NBEAL2: variants seen among roughly 807,000 people sequenced by gnomAD.
The protein encoded by NBEAL2 is neurobeachin like 2.
NBEAL2 carries 160 observed loss-of-function variants against 299.8 expected under a neutral mutation model. The ratio of observed to expected loss-of-function variants is 0.53; its 90% CI spans 0.47 to 0.61. The LOEUF is 0.61. Among genes scored for constraint, NBEAL2 ranks in the 20% least tolerant of loss-of-function variants. NBEAL2 has a pLI of 0.00. For synonymous variants in NBEAL2, 1,493 were observed against 1,542.3 expected (o/e 0.97, Z 0.75); for missense variants, 3,112 against 3,649.0 (o/e 0.85, Z 3.79).
chr3:46,993,539 C>T (rs973342474), intron 10 of NBEAL2, among the ~76,000 whole-genome samples: 1 of 152,074 alleles, frequency 6.6e-6, no homozygotes, highest in Non-Finnish European at 1.5e-5. Context: ...AATCTCTGAC[C>T]CCTGTCAATC....
chr3:46,981,662 C>T (rs577673229), intron 1 of NBEAL2, among the ~76,000 whole-genome samples: 5 of 152,292 alleles, frequency 3.3e-5, no homozygotes, highest in Admixed American at 1.3e-4. Flanking sequence ...CTTCCTCGGA[C>T]TGCCCCATAG....
chr3:46,998,368 C>T (rs1390592315), intron 21 of NBEAL2, 95 bp from the exon 22 acceptor site: 14 of 1,509,792 alleles, frequency 9.3e-6, no homozygotes, highest in Middle Eastern at 3.4e-4. Flanking sequence ...TATGACCCTG[C>T]CCTGGAAGTC....
rs1214620419 is a variant in NBEAL2 at position 47,008,379 on chromosome 3, G to A, written c.7816G>A (p.Ala2606Thr). The A allele has an allele frequency of 6.2e-7, 1 of 1,613,922 alleles. No homozygotes were observed. Among genetic ancestry groups the A allele is most frequent in the Non-Finnish European group, 8.5e-7 (1 of 1,179,840 alleles). ...ATFPGPIFHL[A>T]LGSEGQIVVQ... ...ATTCCCTGGACCTATTTTCCACCTG[G>A]CATTGGGGTCCGAAGGCCAGATTGT... Residue 2606 changes from alanine (A) to threonine (T), a missense_variant, in exon 51 of 54, where the codon GCA (alanine) becomes ACA (threonine). Around this residue, in one of 3 missense-constraint regions of NBEAL2, gnomAD observed 348 missense variants for 381.4 expected, o/e 0.91. Coordinates refer to ENST00000450053, the MANE Select transcript of NBEAL2 (RefSeq NM_015175.3).
At position 47,000,058 on chromosome 3, in the gene NBEAL2, C is replaced by A; in HGVS notation, c.3959C>A (p.Pro1320Gln). Reference protein sequence around the residue: ...PTSPKPAPPKPPTESPAEPSD... With the variant: ...PTSPKPAPPKQPTESPAEPSD... ...TCCCCCAAGCCAGCCCCACCCAAGCCACCCACTGAGTCACCTGCTGAGCCT... is the reference window on the plus strand; with the variant it reads ...TCCCCCAAGCCAGCCCCACCCAAGCAACCCACTGAGTCACCTGCTGAGCCT... Residue 1320 changes from proline to glutamine, a missense_variant, in exon 27 of 54, where the codon CCA becomes CAA. Coordinates refer to ENST00000450053, the MANE Select transcript of NBEAL2 (RefSeq NM_015175.3). This position sits in a 1 kb window ranked among gnomAD's most constrained non-coding sequence, Gnocchi z 4.5. 1 of 1,613,574 alleles carries A rather than the reference C, an allele frequency of 6.2e-7. No homozygotes were observed. The highest frequency in any genetic ancestry group is 8.5e-7 in the Non-Finnish European group (1 of 1,179,854).
intron 41 of NBEAL2, 46 bp from the exon 42 acceptor site, chr3:47,005,692 C>CT: frequency 6.6e-7 from 1 of 1,506,314 alleles, no homozygotes; most frequent in Non-Finnish European, 9.2e-7. Context: ...GGCCAGGGGG[C>CT]AGTCGGGATG....
intron 33 of NBEAL2, 77 bp from the exon 34 acceptor site, chr3:47,002,880 C>T (rs1433898722): frequency 6.3e-7 from 1 of 1,579,032 alleles, no homozygotes. Flanking sequence ...CCCCAGACTG[C>T]CTTTGGGGTG....
chr3:47,006,863 C>T lies in NBEAL2; in HGVS notation c.7135-203C>T, dbSNP rs568027920. Among the ~76,000 whole-genome samples the T allele has an allele frequency of 2.0e-5, 3 of 152,316 alleles. No individual in the cohort carries two copies. The East Asian group carries it at 5.8e-4, about 29-fold the overall frequency. ...AAGTGTGATACTCTGGAAGCATCTT[C>T]CATGTCTGTCCCAGCTTCTCACCCA... On this transcript the variant is annotated intron_variant, in intron 45 of 53. Coordinates refer to ENST00000450053, the MANE Select transcript of NBEAL2 (RefSeq NM_015175.3).
chr3:47,000,202 G>T lies in NBEAL2; in HGVS notation c.4103G>T (p.Gly1368Val). 6.2e-7 allele frequency: 1 copy of T among 1,613,750 alleles called. No individual in the cohort carries two copies. Among genetic ancestry groups the T allele is most frequent in the Non-Finnish European group, 8.5e-7 (1 of 1,179,892 alleles). Reference protein sequence around the residue: ...LGLERSSVGSGNTAGGGGSSG... With the variant: ...LGLERSSVGSVNTAGGGGSSG... ...CTGGAACGGTCTAGTGTAGGATCAG[G>T]CAACACTGCTGGTGGTGGCGGCAGC... The change falls in exon 27 of 54, where the codon GGC becomes GTC. Residue 1368 changes from glycine (G) to valine (V), a missense_variant. Physicochemically the swap from Gly to Val is moderately radical, Grantham distance 109. Transcript: ENST00000450053. The surrounding 1 kb of genome is among the most constrained non-coding windows in gnomAD (Gnocchi z 4.5).
Position 47,005,353 on chromosome 3 carries a change from G to A in NBEAL2, c.6560+32G>A, listed in dbSNP as rs991191377. 2.6e-5 allele frequency: 41 copies of A among 1,593,748 alleles called. No homozygotes were observed. The East Asian group carries it at 5.0e-4, about 20-fold the overall frequency. The stretch of plus-strand genomic sequence containing the variant: ...CCCAGGGGCTGGTGGGCAGACTAGG[G>A]GGCAGATAAGGGGAGGAGGCTGGTC... On this transcript the variant is annotated intron_variant, in intron 40 of 53. Coordinates refer to ENST00000450053, the MANE Select transcript of NBEAL2 (RefSeq NM_015175.3).
chr3:47,006,287 G>C, intron 44 of NBEAL2, 25 bp downstream of exon 44: 1 of 1,609,444 alleles, frequency 6.2e-7, no homozygotes, highest in Non-Finnish European at 8.5e-7. Flanking sequence ...GAGGATAGTG[G>C]CCAGGGATGC....
intron 24 of NBEAL2, 29 bp from the exon 25 acceptor site, chr3:46,999,286 A>G (rs1304173612): frequency 6.3e-7 from 1 of 1,582,090 alleles, no homozygotes; most frequent in Non-Finnish European, 8.6e-7. Context: ...CTTCCACATG[A>G]TGACAGTCCT....
chr3:46,998,509 G>A lies in NBEAL2; in HGVS notation c.3165G>A (p.Lys1055=). The A allele has an allele frequency of 6.2e-7, 1 of 1,613,460 alleles. No individual in the cohort carries two copies. Among genetic ancestry groups the A allele is most frequent in the Non-Finnish European group, 8.5e-7 (1 of 1,179,770 alleles). ...MSSIVREHRQ[K]LRKKYGVQFI... Reference sequence around the variant, plus strand: ...GCATAGTTCGGGAGCACAGACAGAAGCTGCGGAAGAAGTACGGCGTCCAGT... The same window carrying A: ...GCATAGTTCGGGAGCACAGACAGAAACTGCGGAAGAAGTACGGCGTCCAGT... Residue 1055 remains lysine, a synonymous_variant, in exon 22 of 54, where the codon AAG becomes AAA. Transcript: ENST00000450053.
Position 47,004,711 on chromosome 3 carries a change from C to T in NBEAL2, c.6294+121C>T. 1 of 1,119,564 alleles carries T rather than the reference C, an allele frequency of 8.9e-7. No homozygotes were observed. Among genetic ancestry groups the T allele is most frequent in the Admixed American group, 1.9e-5 (1 of 51,952 alleles). The allele number at this position is 1,119,564 out of a possible 1,614,324, so 69.4% of individuals were successfully genotyped here. A position where few individuals can be genotyped will look rare whatever the true frequency, so the allele number is the denominator to read the frequency against. ...TGAGCTTGGTCAAGGGTAGATGTGC[C>T]AATGAAGACCTGGCCTCTGTTCCCT... On this transcript the variant is annotated intron_variant, in intron 38 of 53. Transcript: ENST00000450053. The surrounding 1 kb of genome is among the most constrained non-coding windows in gnomAD (Gnocchi z 5.0).
intron 41 of NBEAL2, 58 bp downstream of exon 41, chr3:47,005,677 G>A (rs923584865): frequency 6.4e-7 from 1 of 1,567,588 alleles, no homozygotes; most frequent in African/African-American, 1.6e-5. Context: ...AGCAGATGGT[G>A]GAGTGGCCAG....
At chr3:46,997,506 C>T in intron 19 of NBEAL2, 55 bp from the exon 20 acceptor site, 3 of 1,587,134 alleles carry the variant, frequency 1.9e-6, no homozygotes, top group Admixed American at 3.4e-5. Flanking sequence ...CCCAAGGTCT[C>T]CTGGCCACTG....
chr3:46,988,843 C>A lies in NBEAL2; in HGVS notation c.142C>A (p.Pro48Thr), dbSNP rs779113165. The A allele has an allele frequency of 1.4e-5, 23 of 1,605,976 alleles. No homozygotes were observed. The South Asian group carries it at 2.5e-4, about 18-fold the overall frequency. Residue 48 changes from proline (P) to threonine (T), a missense_variant and splice_region_variant, in exon 3 of 54, where the codon CCA (proline) becomes ACA (threonine). By Grantham distance (38) the Pro-to-Thr change is conservative. Around this residue, in one of 3 missense-constraint regions of NBEAL2, gnomAD observed 2,243 missense variants for 2,538.1 expected, o/e 0.88. Coordinates refer to ENST00000450053, the MANE Select transcript of NBEAL2 (RefSeq NM_015175.3). The surrounding 1 kb of genome is among the most constrained non-coding windows in gnomAD (Gnocchi z 4.4). ...CCCGTGTCTCCCCTTTCCTTGCAGGCCAGAGGAGGCAGGTGCAGAGGTCCC... is the reference window on the plus strand; with the variant it reads ...CCCGTGTCTCCCCTTTCCTTGCAGGACAGAGGAGGCAGGTGCAGAGGTCCC... ...ISLSSLEPRR[P>T]EEAGAEVPLL...
At position 47,002,535 on chromosome 3, in the gene NBEAL2, G is replaced by C. The variant is rs2037097217; in HGVS notation, c.5301+15G>C. 6.2e-7 allele frequency: 1 copy of C among 1,611,704 alleles called. No individual in the cohort carries two copies. The highest frequency in any genetic ancestry group is 1.7e-5 in the Admixed American group (1 of 59,918). ...GGGCCTTCCAGGTGTGCCACCCGGG[G>C]TAAGGGATGGGAAACTGCTCCACAC... On this transcript the variant is annotated intron_variant, in intron 32 of 53. Transcript: ENST00000450053.
At chr3:46,979,975 G>C in intron 1 of NBEAL2, 63 bp downstream of exon 1, 1 of 233,980 alleles carries the variant, frequency 4.3e-6, no homozygotes, top group African/African-American at 2.3e-5. Flanking sequence ...CGCGCGCCCC[G>C]CGCCTGCTGC....
intron 11 of NBEAL2, 42 bp downstream of exon 11, chr3:46,994,062 G>A: frequency 6.5e-7 from 1 of 1,547,380 alleles, no homozygotes; most frequent in Non-Finnish European, 8.8e-7. Flanking sequence ...GTGCGGGGTG[G>A]AGTTCAACTG....
Sources: allele counts gnomAD v4.1 joint callset (sites outside exome capture counted in the v4.1 genomes callset), GRCh38; gene constraint gnomAD v4.1.1; regional missense constraint gnomAD v4.1.1; non-coding constraint Gnocchi (gnomAD v3.1); transcripts MANE v1.5; gene names NCBI Gene and HGNC (gene_info 2026-07-23, HGNC 2026-07-21).